CSGALNACT1: variants seen among roughly 807,000 people sequenced by gnomAD.
The protein encoded by CSGALNACT1 is beta4GalNAcT-1.
In CSGALNACT1, 52 loss-of-function variants were observed where a neutral mutation model predicts 51.0. That is an observed-to-expected ratio of 1.02 (90% CI 0.82 to 1.29). The LOEUF (loss-of-function observed/expected upper bound fraction) is 1.29. Ranked by LOEUF, CSGALNACT1 falls within the 50% of genes most tolerant of loss-of-function variation. The pLI, the probability that CSGALNACT1 is intolerant of heterozygous loss-of-function variation, is 0.00. For missense variants in CSGALNACT1, 935 were observed against 679.2 expected (o/e 1.38, Z -4.19); for synonymous variants, 341 against 254.4 (o/e 1.34, Z -3.24).
At chr8:19,455,816 C>G (rs1289091738) in intron 5 of CSGALNACT1, among the ~76,000 whole-genome samples, 3 of 152,206 alleles carry the variant, frequency 2.0e-5, no homozygotes, top group African/African-American at 7.2e-5. Context: ...CCTGGCTCTG[C>G]ATTTGCAGCT....
chr8:19,662,074 A>AC (rs1159242984), intron 1 of CSGALNACT1, among the ~76,000 whole-genome samples: 14 of 35,034 alleles, frequency 4.0e-4, no homozygotes, highest in Admixed American at 7.6e-4. Context: ...ACCCCCCCCC[A>AC]CCCCCCCCCC....
intron 2 of CSGALNACT1, 75 bp downstream of exon 2, chr8:19,601,696 T>A (rs2050462035): frequency 5.2e-6 from 2 of 385,606 alleles, no homozygotes; most frequent in Admixed American, 3.3e-5. Context: ...TTCATACATT[T>A]CAAACACATC....
chr8:19,482,822 A>G (rs2071807981), intron 4 of CSGALNACT1, among the ~76,000 whole-genome samples: 1 of 151,960 alleles, frequency 6.6e-6, no homozygotes, highest in Non-Finnish European at 1.5e-5. Context: ...TGAGCTCCAA[A>G]CCCATATTCC....
At chr8:19,409,852 C>G (rs914999688) in intron 8 of CSGALNACT1, among the ~76,000 whole-genome samples, 1 of 152,118 alleles carries the variant, frequency 6.6e-6, no homozygotes, top group East Asian at 1.9e-4. Flanking sequence ...GCCTCCTTCA[C>G]TTCTTCATGC....
At chr8:19,589,381 A>C (rs922764918) in intron 3 of CSGALNACT1, among the ~76,000 whole-genome samples, 69 of 152,298 alleles carry the variant, frequency 4.5e-4, no homozygotes, top group African/African-American at 1.6e-3. Context: ...GCTGGAGTGC[A>C]CTGGCACGAT....
At chr8:19,509,255 T>G (rs2077977073) in intron 3 of CSGALNACT1, among the ~76,000 whole-genome samples, 1 of 152,148 alleles carries the variant, frequency 6.6e-6, no homozygotes, top group African/African-American at 2.4e-5. Flanking sequence ...AGAAGAGGCT[T>G]TTACCCTTCG....
chr8:19,504,950 T>A (rs1016015288), intron 4 of CSGALNACT1, among the ~76,000 whole-genome samples: 2 of 152,198 alleles, frequency 1.3e-5, no homozygotes, highest in Non-Finnish European at 2.9e-5. Flanking sequence ...AAGGAAGAAG[T>A]TCTACCTTCT....
rs1225250013 is a variant in CSGALNACT1 at position 19,751,139 on chromosome 8, G to A, written c.-297+6711C>T. 2.6e-5 allele frequency among the ~76,000 whole-genome samples: 4 copies of A among 152,066 alleles called. No individual in the cohort carries two copies. The East Asian group carries it at 7.7e-4, about 29-fold the overall frequency. ...ACCTTTTCCAGGCTGCCAATTCAAT[G>A]AGTATTTATGCTGGAAAAGACAGCA... On this transcript the variant is annotated intron_variant, in intron 1 of 1. Coordinates refer to the CSGALNACT1 transcript ENST00000517494.
At chr8:19,594,512 C>T (rs890882347) in intron 2 of CSGALNACT1, among the ~76,000 whole-genome samples, 5 of 152,246 alleles carry the variant, frequency 3.3e-5, no homozygotes, top group African/African-American at 9.6e-5. Flanking sequence ...AGAACTCAAG[C>T]TGCCCACATG....
intron 1 of CSGALNACT1, among the ~76,000 whole-genome samples, chr8:19,751,656 G>A (rs2065034473): frequency 6.6e-6 from 1 of 152,118 alleles, no homozygotes; most frequent in South Asian, 2.1e-4. Flanking sequence ...CCCACATATG[G>A]AAGGAGGGGC....
chr8:19,515,951 T>C (rs1056451964), intron 3 of CSGALNACT1, among the ~76,000 whole-genome samples: 1 of 152,086 alleles, frequency 6.6e-6, no homozygotes, highest in African/African-American at 2.4e-5. Flanking sequence ...GTGTACAGAA[T>C]AAAGACGCTT....
chr8:19,507,073 G>C (rs1332027564), intron 3 of CSGALNACT1, among the ~76,000 whole-genome samples: 1 of 152,130 alleles, frequency 6.6e-6, no homozygotes. Flanking sequence ...AGCACCCAGA[G>C]GTTCAAATAT....
intron 6 of CSGALNACT1, among the ~76,000 whole-genome samples, chr8:19,433,184 C>T (rs142214512): frequency 1.3e-5 from 2 of 152,084 alleles, no homozygotes; most frequent in Non-Finnish European, 2.9e-5. Context: ...CAACATTTTC[C>T]TTAAATGACT....
chr8:19,450,891 C>T (rs937310139), intron 5 of CSGALNACT1, among the ~76,000 whole-genome samples: 20 of 151,616 alleles, frequency 1.3e-4, no homozygotes, highest in African/African-American at 4.6e-4. Context: ...GACTGGGCTA[C>T]TGAGCTTTTT....
intron 8 of CSGALNACT1, among the ~76,000 whole-genome samples, chr8:19,415,505 G>A (rs2056700189): frequency 6.6e-6 from 1 of 152,168 alleles, no homozygotes; most frequent in Non-Finnish European, 1.5e-5. Context: ...TGGCAACAAT[G>A]GACACAGGGA....
chr8:19,510,533 G>A (rs907975722), intron 3 of CSGALNACT1, among the ~76,000 whole-genome samples: 4 of 152,124 alleles, frequency 2.6e-5, no homozygotes, highest in African/African-American at 9.7e-5. Context: ...ATGAAAAGGT[G>A]AACCAAGAAC....
chr8:19,751,051 C>T (rs936771464), intron 1 of CSGALNACT1, among the ~76,000 whole-genome samples: 1 of 152,008 alleles, frequency 6.6e-6, no homozygotes, highest in African/African-American at 2.4e-5. Context: ...TCCATCATGC[C>T]CAGAAATGGA....
chr8:19,740,305 T>C (rs921338697), intron 1 of CSGALNACT1, among the ~76,000 whole-genome samples: 1 of 152,306 alleles, frequency 6.6e-6, no homozygotes, highest in Non-Finnish European at 1.5e-5. Flanking sequence ...CCGAGTCACA[T>C]GACAGCCTGC....
At chr8:19,525,276 T>C (rs781361775) in intron 3 of CSGALNACT1, among the ~76,000 whole-genome samples, 2 of 152,118 alleles carry the variant, frequency 1.3e-5, no homozygotes, top group Non-Finnish European at 2.9e-5. Context: ...GAGGCATCAT[T>C]ACTGCCTTTA....
Sources: allele counts gnomAD v4.1 joint callset (sites outside exome capture counted in the v4.1 genomes callset), GRCh38; gene constraint gnomAD v4.1.1; transcripts MANE v1.5; gene names NCBI Gene and HGNC (gene_info 2026-07-23, HGNC 2026-07-21).